PCDH15: variants seen among roughly 807,000 people sequenced by gnomAD.
PCDH15 encodes protocadherin related 15.
A neutral mutation model predicts 178.5 loss-of-function variants in PCDH15; 129 were observed. The observed-to-expected ratio is 0.72, with a 90% CI of 0.63 to 0.84. PCDH15 has a LOEUF of 0.84. Among genes scored for constraint, PCDH15 ranks in the 40% least tolerant of loss-of-function variants. The pLI is 0.00. For synonymous variants in PCDH15, 800 were observed against 732.0 expected, an observed-to-expected ratio of 1.09 and a Z score of -1.50; for missense variants, 2,230 against 2,099.9, an observed-to-expected ratio of 1.06 and a Z score of -1.21.
chr10:53,858,346 C>A lies in PCDH15; in HGVS notation c.3718-1083G>T, dbSNP rs913506050. Among the ~76,000 whole-genome samples, 10 of 152,140 alleles carry A rather than the reference C, an allele frequency of 6.6e-5. 1 individual carries two copies. The highest frequency in any genetic ancestry group is 1.3e-4 in the Non-Finnish European group (9 of 68,002). ...CATTAGGGGTCACAAACTCAAATGC[C>A]TTCAGGAACCAGGCAGGTAACTTAA... is the stretch of plus-strand genomic sequence containing the variant. On this transcript the variant is annotated intron_variant, in intron 27 of 37. Transcript: ENST00000644397.
intron 3 of PCDH15, among the ~76,000 whole-genome samples, chr10:54,469,100 T>G (rs943474658): frequency 1.3e-5 from 2 of 152,154 alleles, no homozygotes. Flanking sequence ...AAAATTCATG[T>G]CTTTTTGTTT....
At chr10:55,109,855 C>T (rs941178508) in intron 2 of PCDH15, among the ~76,000 whole-genome samples, 11 of 151,768 alleles carry the variant, frequency 7.2e-5, no homozygotes, top group Non-Finnish European at 1.3e-4. Flanking sequence ...ATGACTTTTT[C>T]CAAATTAACA....
intron 35 of PCDH15, among the ~76,000 whole-genome samples, chr10:53,814,133 AGT>A (rs2075976437): frequency 6.6e-6 from 1 of 152,174 alleles, no homozygotes; most frequent in African/African-American, 2.4e-5. Context: ...TGTAAAACTC[AGT>A]GTAATGACAC....
chr10:54,678,531 A>G (rs960683072), intron 1 of PCDH15, among the ~76,000 whole-genome samples: 4 of 152,178 alleles, frequency 2.6e-5, no homozygotes, highest in African/African-American at 9.6e-5. Context: ...TACTCAGTTA[A>G]GCATATTACT....
At chr10:54,672,154 A>G (rs2094686938) in intron 1 of PCDH15, among the ~76,000 whole-genome samples, 1 of 151,978 alleles carries the variant, frequency 6.6e-6, no homozygotes, top group Non-Finnish European at 1.5e-5. Context: ...AGTTGCAAGA[A>G]AACAAGTTCA....
chr10:53,990,754 C>G (rs1397989783), intron 21 of PCDH15, among the ~76,000 whole-genome samples: 1 of 152,062 alleles, frequency 6.6e-6, no homozygotes, highest in Non-Finnish European at 1.5e-5. Flanking sequence ...GTGGGAGCCC[C>G]TCTCTGGGCT....
At chr10:55,500,622 G>A (rs1840636364) in intron 2 of PCDH15, among the ~76,000 whole-genome samples, 1 of 151,700 alleles carries the variant, frequency 6.6e-6, no homozygotes, top group Non-Finnish European at 1.5e-5. Flanking sequence ...AATGCTGCTG[G>A]TCTATTGATC....
intron 26 of PCDH15, among the ~76,000 whole-genome samples, chr10:53,901,065 C>T (rs1426346034): frequency 6.6e-6 from 1 of 152,020 alleles, no homozygotes; most frequent in African/African-American, 2.4e-5. Flanking sequence ...TGCATTTTCC[C>T]TGTATTCCTG....
chr10:54,915,525 T>A (rs1954887014), intron 2 of PCDH15, among the ~76,000 whole-genome samples: 1 of 152,170 alleles, frequency 6.6e-6, no homozygotes, highest in African/African-American at 2.4e-5. Flanking sequence ...TTAGAATTCA[T>A]AACATGTAAA....
At chr10:55,463,483 A>T (rs1430203240) in intron 2 of PCDH15, among the ~76,000 whole-genome samples, 2 of 148,942 alleles carry the variant, frequency 1.3e-5, no homozygotes, top group Non-Finnish European at 3.0e-5. Context: ...TTGTCTCTAT[A>T]AAAAAAAATA....
chr10:54,510,386 TGAA>T (rs1335350152), intron 3 of PCDH15, among the ~76,000 whole-genome samples: 2 of 152,178 alleles, frequency 1.3e-5, no homozygotes, highest in African/African-American at 2.4e-5. Flanking sequence ...CAGGGAGGAC[TGAA>T]GAAGATTTAT....
intron 15 of PCDH15, among the ~76,000 whole-genome samples, chr10:54,108,951 CAACAAACA>C (rs374916688): frequency 2.6e-5 from 4 of 151,970 alleles, no homozygotes; most frequent in East Asian, 3.9e-4. Flanking sequence ...TCAACTGACG[CAACAAACA>C]AACAAACAAA....
chr10:54,788,179 G>A (rs1951069426), intron 1 of PCDH15, among the ~76,000 whole-genome samples: 1 of 151,834 alleles, frequency 6.6e-6, no homozygotes, highest in African/African-American at 2.4e-5. Flanking sequence ...TGAAATACGA[G>A]CAGAAACAAA....
intron 2 of PCDH15, among the ~76,000 whole-genome samples, chr10:55,138,095 G>T (rs1252237873): frequency 6.6e-6 from 1 of 152,104 alleles, no homozygotes; most frequent in Non-Finnish European, 1.5e-5. Flanking sequence ...AATAAGGAGG[G>T]TATTCTTGCT....
intron 25 of PCDH15, among the ~76,000 whole-genome samples, chr10:53,937,316 A>G (rs2085665176): frequency 6.6e-6 from 1 of 152,202 alleles, no homozygotes; most frequent in Admixed American, 6.5e-5. Context: ...TGTTTCAAGG[A>G]AAGAGTGCAG....
chr10:54,568,631 T>C (rs2089367746), intron 2 of PCDH15: 1 of 152,058 alleles, frequency 6.6e-6, no homozygotes, highest in Admixed American at 6.6e-5. Flanking sequence ...TATACTTCTC[T>C]TCCCCAACCA....
intron 1 of PCDH15, among the ~76,000 whole-genome samples, chr10:54,795,543 T>A (rs926963843): frequency 1.3e-5 from 2 of 151,876 alleles, no homozygotes; most frequent in Non-Finnish European, 1.5e-5. Context: ...GAAACTAATA[T>A]TCAGAGCAAA....
intron 2 of PCDH15, among the ~76,000 whole-genome samples, chr10:55,100,259 C>T (rs1842545243): frequency 6.6e-6 from 1 of 152,058 alleles, no homozygotes; most frequent in Admixed American, 6.6e-5. Context: ...ATTTCTTTAG[C>T]TTTCAAAAAA....
At chr10:53,821,503 TA>T in intron 32 of PCDH15, 1 of 1,024,994 alleles carries the variant, frequency 9.8e-7, no homozygotes, top group Non-Finnish European at 1.2e-6. Context: ...GATCAAAAAC[TA>T]AATGTAAATG....
Sources: allele counts gnomAD v4.1 joint callset (sites outside exome capture counted in the v4.1 genomes callset), GRCh38; gene constraint gnomAD v4.1.1; transcripts MANE v1.5; gene names NCBI Gene and HGNC (gene_info 2026-07-23, HGNC 2026-07-21).